The following NRXN1 variants were observed in gnomAD, a reference collection of about 807,000 sequenced individuals.
NRXN1 encodes neurexin-1.
Under a neutral mutation model 150.9 loss-of-function variants are expected in NRXN1, and 39 were observed. That is an observed-to-expected ratio of 0.26 (90% CI 0.20 to 0.34). The LOEUF is 0.34. NRXN1 is among the 10% of genes least tolerant of loss of function. The probability of loss-of-function intolerance (pLI) is 1.00; values close to 1 mark genes in which losing one functional copy is unlikely to be tolerated. For missense variants in NRXN1, 1,815 were observed against 1,949.9 expected (o/e 0.93, Z 1.30); for synonymous variants, 924 against 757.0 (o/e 1.22, Z -3.62).
At chr2:50,193,945 T>A (rs1054261423) in intron 18 of NRXN1, among the ~76,000 whole-genome samples, 7 of 152,150 alleles carry the variant, frequency 4.6e-5, no homozygotes, top group African/African-American at 1.7e-4. Flanking sequence ...CTATTACTCC[T>A]TACAGTAACA....
At chr2:50,408,421 A>G (rs1338695557) in intron 17 of NRXN1, among the ~76,000 whole-genome samples, 1 of 152,214 alleles carries the variant, frequency 6.6e-6, no homozygotes, top group African/African-American at 2.4e-5. Context: ...TTTGGAGACC[A>G]GTGTTTTCCC....
intron 17 of NRXN1, among the ~76,000 whole-genome samples, chr2:50,251,722 T>C (rs536363022): frequency 2.3e-3 from 346 of 152,318 alleles, no homozygotes; most frequent in African/African-American, 7.8e-3. Flanking sequence ...ATAATCACCA[T>C]TCTGACTGCT....
intron 17 of NRXN1, among the ~76,000 whole-genome samples, chr2:50,396,015 T>C (rs1045491416): frequency 6.6e-6 from 1 of 152,192 alleles, no homozygotes; most frequent in Admixed American, 6.5e-5. Flanking sequence ...ACCAGTAGAT[T>C]ATTGAAAAGT....
At chr2:50,851,126 T>C (rs1674455396) in intron 5 of NRXN1, among the ~76,000 whole-genome samples, 2 of 152,130 alleles carry the variant, frequency 1.3e-5, no homozygotes, top group South Asian at 4.1e-4. Context: ...TAAAAATACA[T>C]GCAATGAATA....
chr2:50,768,964 C>T (rs758623696), intron 5 of NRXN1, among the ~76,000 whole-genome samples: 3 of 151,474 alleles, frequency 2.0e-5, no homozygotes, highest in Non-Finnish European at 4.4e-5. Context: ...AACTTGAAAA[C>T]GAAAACTTCT....
chr2:50,960,000 A>G (rs991078807), intron 2 of NRXN1, among the ~76,000 whole-genome samples: 4 of 151,974 alleles, frequency 2.6e-5, no homozygotes, highest in Non-Finnish European at 4.4e-5. Flanking sequence ...TATACACAAA[A>G]ATTCTCCGAT....
intron 5 of NRXN1, among the ~76,000 whole-genome samples, chr2:50,803,731 T>A (rs960337541): frequency 2.5e-4 from 38 of 152,206 alleles, no homozygotes; most frequent in African/African-American, 8.9e-4. Flanking sequence ...TTTAGTTATA[T>A]AAGGTCATAA....
intron 17 of NRXN1, among the ~76,000 whole-genome samples, chr2:50,361,624 A>C (rs2079198120): frequency 6.6e-6 from 1 of 151,214 alleles, no homozygotes; most frequent in African/African-American, 2.4e-5. Context: ...GTAATTTAAA[A>C]AAAGCCCAGG....
chr2:50,446,941 A>G (rs1188311779), intron 17 of NRXN1, among the ~76,000 whole-genome samples: 1 of 152,142 alleles, frequency 6.6e-6, no homozygotes, highest in East Asian at 1.9e-4. Flanking sequence ...GCATATTTAC[A>G]AAAATGTATT....
chr2:50,282,094 G>C (rs559951120), intron 17 of NRXN1, among the ~76,000 whole-genome samples: 28 of 152,194 alleles, frequency 1.8e-4, no homozygotes, highest in South Asian at 1.7e-3. Flanking sequence ...TAGTTTTATG[G>C]TCTTTGCTGT....
At chr2:50,630,319 G>A (rs1396798063) in intron 5 of NRXN1, among the ~76,000 whole-genome samples, 1 of 151,606 alleles carries the variant, frequency 6.6e-6, no homozygotes, top group African/African-American at 2.4e-5. Context: ...TCAACACCAA[G>A]AATCACTGAT....
chr2:50,074,969 A>T (rs1288612365), intron 19 of NRXN1, among the ~76,000 whole-genome samples: 1 of 152,212 alleles, frequency 6.6e-6, no homozygotes, highest in African/African-American at 2.4e-5. Context: ...GGTAAAGTTC[A>T]CAGTGTGAAA....
chr2:50,999,951 G>A (rs1269825616), intron 2 of NRXN1, among the ~76,000 whole-genome samples: 1 of 151,936 alleles, frequency 6.6e-6, no homozygotes, highest in African/African-American at 2.4e-5. Flanking sequence ...CTATTTTTCA[G>A]ATACTTTTCA....
chr2:50,606,243 T>A, intron 8 of NRXN1, among the ~76,000 whole-genome samples: 1 of 127,262 alleles, frequency 7.9e-6, no homozygotes. Flanking sequence ...AGTGAGACTC[T>A]GTTTCAGAAA....
At chr2:50,617,566 C>T (rs1278578845) in intron 8 of NRXN1, among the ~76,000 whole-genome samples, 1 of 152,070 alleles carries the variant, frequency 6.6e-6, no homozygotes, top group Non-Finnish European at 1.5e-5. Flanking sequence ...AAAAAGTGAC[C>T]GTGCTTCCTC....
rs531571569 is a variant in NRXN1 at position 51,027,809 on chromosome 2, G to A, written c.465C>T (p.Val155=). Residue 155 remains valine (V), a synonymous_variant, in exon 2 of 23, where the codon GTC becomes GTT. Coordinates refer to ENST00000401669, the MANE Select transcript of NRXN1 (RefSeq NM_001330078.2). ...RDMTVFSGLF[V]GGLPPELRAA... ...CGCGCAGTTCCGGGGGCAGCCCCCCGACGAAAAGGCCGCTGAACACCGTCA... is the reference window on the plus strand; with the variant it reads ...CGCGCAGTTCCGGGGGCAGCCCCCCAACGAAAAGGCCGCTGAACACCGTCA... 3.1e-6 allele frequency: 5 copies of A among 1,613,186 alleles called. No homozygotes were observed. Among genetic ancestry groups the A allele is most frequent in the South Asian group, 2.2e-5 (2 of 91,036 alleles).
At chr2:49,943,847 A>G in intron 21 of NRXN1, 56 bp from the exon 22 acceptor site, 1 of 1,252,044 alleles carries the variant, frequency 8.0e-7, no homozygotes. Context: ...AGATTCTCTC[A>G]TCTTTGTCTC....
intron 2 of NRXN1, among the ~76,000 whole-genome samples, chr2:51,008,128 T>C (rs1280598233): frequency 6.6e-6 from 1 of 151,942 alleles, no homozygotes; most frequent in African/African-American, 2.4e-5. Context: ...TATCATTTGG[T>C]TGGGAAATAC....
At chr2:50,688,683 G>T (rs1289189910) in intron 5 of NRXN1, among the ~76,000 whole-genome samples, 5 of 150,442 alleles carry the variant, frequency 3.3e-5, no homozygotes, top group Non-Finnish European at 7.5e-5. Context: ...TATGACAATG[G>T]GCATTTTTTG....
Sources: allele counts gnomAD v4.1 joint callset (sites outside exome capture counted in the v4.1 genomes callset), GRCh38; gene constraint gnomAD v4.1.1; transcripts MANE v1.5; gene names NCBI Gene and HGNC (gene_info 2026-07-23, HGNC 2026-07-21).